Variants in EPAS1 observed in about 807,000 individuals in gnomAD.
EPAS1 encodes the protein endothelial PAS domain protein 1.
In EPAS1, 23 loss-of-function variants were observed where a neutral mutation model predicts 87.9. The observed-to-expected ratio is 0.26, with a 90% confidence interval of 0.19 to 0.37. The LOEUF is 0.37. EPAS1 is among the 10% of genes least tolerant of loss of function. The probability of loss-of-function intolerance (pLI) is 1.00; values close to 1 mark genes in which losing one functional copy is unlikely to be tolerated. For synonymous variants in EPAS1, 508 were observed against 444.3 expected, an observed-to-expected ratio of 1.14 and a Z score of -1.80; for missense variants, 1,138 against 1,120.7, an observed-to-expected ratio of 1.02 and a Z score of -0.22.
Position 46,346,995 on chromosome 2 carries a change from A to T in EPAS1, c.149A>T (p.His50Leu). 6.2e-7 allele frequency: 1 copy of T among 1,614,212 alleles called. No individual in the cohort carries two copies. Among genetic ancestry groups the T allele is most frequent in the Non-Finnish European group, 8.5e-7 (1 of 1,180,020 alleles). The change falls in exon 2 of 16, where the codon CAT becomes CTT. Residue 50 changes from histidine (H) to leucine (L), a missense_variant. Transcript: ENST00000263734. The surrounding 1 kb of genome is among the most constrained non-coding windows in gnomAD (Gnocchi z 4.0). ...ELPLPHSVSS[H>L]LDKASIMRLA... ...CCTCTGCCCCACAGTGTGAGCTCCC[A>T]TCTGGACAAGGCCTCCATCATGCGA...
chr2:46,360,200 A>C lies in EPAS1; in HGVS notation c.455-438A>C, dbSNP rs1369679676. ...GGAAAGACGGGAGTGTCGGAGAGAC[A>C]TTTCTAACCTGTGAGGAAGGCTTAC... On this transcript the variant is annotated intron_variant, in intron 4 of 15. Transcript: ENST00000263734. The surrounding 1 kb of genome is among the most constrained non-coding windows in gnomAD (Gnocchi z 4.5). Among the ~76,000 whole-genome samples, 2 of 152,212 alleles carry C rather than the reference A, an allele frequency of 1.3e-5. No individual in the cohort carries two copies. Among genetic ancestry groups the C allele is most frequent in the African/African-American group, 4.8e-5 (2 of 41,462 alleles).
intron 1 of EPAS1, among the ~76,000 whole-genome samples, chr2:46,314,870 G>GGT (rs1187813124): frequency 6.6e-6 from 1 of 152,188 alleles, no homozygotes; most frequent in East Asian, 1.9e-4. Context: ...TCAAGAAGGA[G>GGT]GTGGGCTGGG....
At chr2:46,364,662 G>A (rs968587660) in intron 6 of EPAS1, among the ~76,000 whole-genome samples, 2 of 152,050 alleles carry the variant, frequency 1.3e-5, no homozygotes, top group African/African-American at 4.8e-5. Flanking sequence ...AATTCATGTC[G>A]GTCACATTTA....
Position 46,346,981 on chromosome 2 carries a change from C to T in EPAS1, c.135C>T (p.His45=), listed in dbSNP as rs1327240487. 3.7e-6 allele frequency: 6 copies of T among 1,614,116 alleles called. No individual in the cohort carries two copies. Among genetic ancestry groups the T allele is most frequent in the African/African-American group, 2.7e-5 (2 of 74,932 alleles). The change falls in exon 2 of 16, where the codon CAC becomes CAT. Residue 45 remains histidine (H), a synonymous_variant. Coordinates refer to ENST00000263734, the MANE Select transcript of EPAS1 (RefSeq NM_001430.5). This position sits in a 1 kb window ranked among gnomAD's most constrained non-coding sequence, Gnocchi z 4.0. ...TGGCCCATGAGCTGCCTCTGCCCCA[C>T]AGTGTGAGCTCCCATCTGGACAAGG... is the stretch of plus-strand genomic sequence containing the variant. ...YELAHELPLP[H]SVSSHLDKAS...
chr2:46,301,311 C>T (rs1682991441), intron 1 of EPAS1, among the ~76,000 whole-genome samples: 1 of 152,134 alleles, frequency 6.6e-6, no homozygotes, highest in Non-Finnish European at 1.5e-5. Flanking sequence ...CGCGGTGGCT[C>T]ATGCCTGTAA....
chr2:46,329,322 C>A (rs910275114), intron 1 of EPAS1, among the ~76,000 whole-genome samples: 1 of 152,106 alleles, frequency 6.6e-6, no homozygotes, highest in Non-Finnish European at 1.5e-5. Flanking sequence ...GCACCTATGC[C>A]GACAGTCCTT....
intron 7 of EPAS1, among the ~76,000 whole-genome samples, chr2:46,370,838 C>T (rs1169126619): frequency 6.6e-6 from 1 of 152,120 alleles, no homozygotes; most frequent in Admixed American, 6.5e-5. Flanking sequence ...TGAATCCATG[C>T]GACTCATCAC....
rs567341336 is a variant in EPAS1 at position 46,298,525 on chromosome 2, C to T, written c.26+588C>T. Among the ~76,000 whole-genome samples the T allele has an allele frequency of 1.3e-4, 20 of 152,354 alleles. No homozygotes were observed. In the East Asian group the frequency reaches 1.5e-3, roughly 12 times the overall value. ...CAGACCCCACCGAAGGTTGGAGAAC[C>T]CACTTCCTCGTGCCGCACCTTGACT... On this transcript the variant is annotated intron_variant, in intron 1 of 15. Transcript: ENST00000263734.
Position 46,378,097 on chromosome 2 carries a change from C to T in EPAS1, c.1443+10C>T, listed in dbSNP as rs958590029. On this transcript the variant is annotated intron_variant, in intron 10 of 15. Transcript: ENST00000263734. ...CAGCAGCTGCTCCACGGTGAGCAGCCCTCTTATGGCGAGGACACAGAGAGG... is the reference window on the plus strand; with the variant it reads ...CAGCAGCTGCTCCACGGTGAGCAGCTCTCTTATGGCGAGGACACAGAGAGG... The T allele has an allele frequency of 8.8e-6, 14 of 1,591,024 alleles. No homozygotes were observed. In the South Asian group the frequency reaches 1.6e-4, roughly 18 times the overall value.
At chr2:46,344,036 A>T (rs1683966148) in intron 1 of EPAS1, among the ~76,000 whole-genome samples, 1 of 152,242 alleles carries the variant, frequency 6.6e-6, no homozygotes, top group Admixed American at 6.5e-5. Flanking sequence ...TGGCTTATGT[A>T]GGCATTGGCT....
chr2:46,298,032 C>T, intron 1 of EPAS1, 95 bp downstream of exon 1: 1 of 1,478,752 alleles, frequency 6.8e-7, no homozygotes, highest in South Asian at 1.2e-5. Flanking sequence ...GAGAAGAGTG[C>T]TGAGAGGTCT....
At position 46,315,066 on chromosome 2, in the gene EPAS1, G is replaced by A. The variant is rs186655438; in HGVS notation, c.26+17129G>A. On this transcript the variant is annotated intron_variant, in intron 1 of 15. Transcript: ENST00000263734. ...CAGTTTCCACTTCTGTTAGATGGCT[G>A]ATATGATCTCTGCCCTGCCAGTTGG... Among the ~76,000 whole-genome samples the A allele has an allele frequency of 1.3e-3, 193 of 152,340 alleles. 2 individuals are homozygous for A. The highest frequency in any genetic ancestry group is 4.5e-3 in the African/African-American group (186 of 41,574).
intron 2 of EPAS1, among the ~76,000 whole-genome samples, chr2:46,354,888 G>A (rs1409988835): frequency 6.6e-6 from 1 of 152,180 alleles, no homozygotes; most frequent in Non-Finnish European, 1.5e-5. Context: ...TCCTAGGACT[G>A]AAGCTTGCTC....
intron 4 of EPAS1, among the ~76,000 whole-genome samples, chr2:46,359,994 T>C (rs1008900735): frequency 1.3e-5 from 2 of 152,206 alleles, no homozygotes; most frequent in Non-Finnish European, 2.9e-5. Flanking sequence ...AGTTAATCCA[T>C]AAAGTGGACT....
rs983866829 is a variant in EPAS1, at chr2:46,347,733, C to T, written c.217+670C>T. ...AGCACCTCTGCAACTCCAAAGTTCA[C>T]AAGACATTTGCTTTTTCTCAGTTAC... On this transcript the variant is annotated intron_variant, in intron 2 of 15. Transcript: ENST00000263734. The surrounding 1 kb of genome is among the most constrained non-coding windows in gnomAD (Gnocchi z 4.2). Among the ~76,000 whole-genome samples the T allele has an allele frequency of 6.6e-6, 1 of 152,220 alleles. No individual in the cohort carries two copies. The highest frequency in any genetic ancestry group is 2.4e-5 in the African/African-American group (1 of 41,470).
rs1684900054 is a variant in EPAS1 at position 46,381,817 on chromosome 2, C to T, written c.2172+95C>T. 3.1e-6 allele frequency: 5 copies of T among 1,589,980 alleles called. No homozygotes were observed. In the South Asian group the frequency reaches 3.4e-5, roughly 11 times the overall value. Reference sequence around the variant, plus strand: ...TGGGGATGTGGCCCTTCCAAGCCAGCATAGCCCTTAGGGAACCCAGGGCTG... The same window carrying T: ...TGGGGATGTGGCCCTTCCAAGCCAGTATAGCCCTTAGGGAACCCAGGGCTG... On this transcript the variant is annotated intron_variant, in intron 13 of 15. Coordinates refer to ENST00000263734, the MANE Select transcript of EPAS1 (RefSeq NM_001430.5).
At position 46,380,922 on chromosome 2, in the gene EPAS1, G is replaced by A. The variant is rs539450759; in HGVS notation, c.2045+205G>A. 2.6e-5 allele frequency among the ~76,000 whole-genome samples: 4 copies of A among 152,166 alleles called. No individual in the cohort carries two copies. Among genetic ancestry groups the A allele is most frequent in the Non-Finnish European group, 4.4e-5 (3 of 68,020 alleles). Reference sequence around the variant, plus strand: ...ATGGGTTTTTATCTGGGCTGCCACTGAGGGCAGGCAAAGAAGTGGCTTGTT... The same window carrying A: ...ATGGGTTTTTATCTGGGCTGCCACTAAGGGCAGGCAAAGAAGTGGCTTGTT... On this transcript the variant is annotated intron_variant, in intron 12 of 15. Transcript: ENST00000263734. This position sits in a 1 kb window ranked among gnomAD's most constrained non-coding sequence, Gnocchi z 4.4.
Position 46,380,636 on chromosome 2 carries a change from G to C in EPAS1, c.1964G>C (p.Gly655Ala), listed in dbSNP as rs1178832685. 3 of 1,613,984 alleles carry C rather than the reference G, an allele frequency of 1.9e-6. No individual in the cohort carries two copies. Among genetic ancestry groups the C allele is most frequent in the Non-Finnish European group, 1.7e-6 (2 of 1,180,000 alleles). Residue 655 changes from glycine to alanine, a missense_variant, in exon 12 of 16, where the codon GGG becomes GCG. Physicochemically the swap from Gly to Ala is moderately conservative, Grantham distance 60. This residue lies in a region of EPAS1 where 502 missense variants were observed against 427.1 expected (regional missense o/e 1.18). Transcript: ENST00000263734. The surrounding 1 kb of genome is among the most constrained non-coding windows in gnomAD (Gnocchi z 4.4). ...LHFGPTKWAV[G>A]DQRTEFLGAA... ...TTTGGGCCCACAAAGTGGGCCGTCG[G>C]GGATCAGCGCACAGAGTTCTTGGGA...
In EPAS1 at chr2:46,360,902, C is replaced by A. The variant is rs1392533284; in HGVS notation, c.591C>A (p.Gly197=). ...SATWKVLHCT[G]QVKVYNNCPP... is the part of the protein sequence containing the mutation. ...TGTCTCAGGTCTTGCACTGCACGGG[C>A]CAGGTGAAAGTCTACAACAACTGCC... Residue 197 remains glycine (G), a synonymous_variant, in exon 6 of 16, where the codon GGC becomes GGA. Transcript: ENST00000263734. The surrounding 1 kb of genome is among the most constrained non-coding windows in gnomAD (Gnocchi z 4.5). The A allele has an allele frequency of 1.2e-6, 2 of 1,614,048 alleles. No individual in the cohort carries two copies. The highest frequency in any genetic ancestry group is 2.7e-5 in the African/African-American group (2 of 74,902).
Sources: gnomAD v4.1 joint callset for allele counts (sites outside exome capture counted in the v4.1 genomes callset) on GRCh38, gnomAD v4.1.1 for gene constraint, gnomAD v4.1.1 regional missense constraint, Gnocchi (gnomAD v3.1) non-coding constraint, MANE v1.5 for transcripts, NCBI Gene and HGNC (gene_info 2026-07-23, HGNC 2026-07-21) for gene names.